Variants in WDR72 observed in about 807,000 individuals in gnomAD.
WDR72 encodes the protein WD repeat domain 72.
In WDR72, 120 loss-of-function variants were observed where a neutral mutation model predicts 124.2. The ratio of observed to expected loss-of-function variants is 0.97; its 90% CI spans 0.83 to 1.12. WDR72 has a LOEUF of 1.12. Among genes scored for constraint, WDR72 ranks in the 50% most tolerant of loss-of-function variants. The pLI, the probability that WDR72 is intolerant of heterozygous loss-of-function variation, is 0.00. For synonymous variants in WDR72, 452 were observed against 441.7 expected (o/e 1.02, Z -0.29); for missense variants, 1,387 against 1,278.8 (o/e 1.08, Z -1.29).
chr15:53,647,480 A>G (rs1340228826), intron 14 of WDR72, among the ~76,000 whole-genome samples: 3 of 152,098 alleles, frequency 2.0e-5, no homozygotes, highest in Non-Finnish European at 2.9e-5. Flanking sequence ...GAGAAACCAC[A>G]CTTTTCCACA....
chr15:53,615,309 A>G (rs2013709285), intron 15 of WDR72, 117 bp downstream of exon 15: 2 of 782,476 alleles, frequency 2.6e-6, no homozygotes, highest in African/African-American at 1.8e-5. Context: ...AAATTGTTGC[A>G]TACTTACCCC....
At chr15:53,567,348 T>C (rs560887885) in intron 18 of WDR72, among the ~76,000 whole-genome samples, 1 of 152,112 alleles carries the variant, frequency 6.6e-6, no homozygotes, top group Admixed American at 6.6e-5. Flanking sequence ...GAAGAATATG[T>C]AGGCACTGTC....
chr15:53,738,530 G>T (rs1041749886), intron 1 of WDR72, among the ~76,000 whole-genome samples: 1 of 152,128 alleles, frequency 6.6e-6, no homozygotes, highest in Non-Finnish European at 1.5e-5. Context: ...TAAAAATTTG[G>T]AAAGGTAAGT....
intron 14 of WDR72, among the ~76,000 whole-genome samples, chr15:53,628,307 G>A (rs1025045806): frequency 1.3e-5 from 2 of 152,046 alleles, no homozygotes; most frequent in Non-Finnish European, 2.9e-5. Context: ...AAAAAATTAT[G>A]AAATTTAAAC....
At chr15:53,600,844 G>A (rs1032993980) in intron 17 of WDR72, among the ~76,000 whole-genome samples, 1 of 152,134 alleles carries the variant, frequency 6.6e-6, no homozygotes, top group Non-Finnish European at 1.5e-5. Context: ...AAGAAATTTA[G>A]TGCAGTACTG....
intron 3 of WDR72, among the ~76,000 whole-genome samples, chr15:53,719,720 C>T (rs553622137): frequency 9.2e-5 from 14 of 152,290 alleles, no homozygotes; most frequent in African/African-American, 3.1e-4. Context: ...GCTTTGGAAA[C>T]GCAAGTTACT....
chr15:53,579,201 C>T (rs2011784130), intron 18 of WDR72, among the ~76,000 whole-genome samples: 1 of 152,054 alleles, frequency 6.6e-6, no homozygotes, highest in South Asian at 2.1e-4. Flanking sequence ...CTGACAGGCA[C>T]TGCATCATTG....
chr15:53,578,737 TAAAACAAAC>T, intron 18 of WDR72, among the ~76,000 whole-genome samples: 2 of 149,992 alleles, frequency 1.3e-5, no homozygotes, highest in Middle Eastern at 3.5e-3. Context: ...AAATAAAACT[TAAAACAAAC>T]AAACAAACAA....
In WDR72 at chr15:53,516,276, T is replaced by C. The variant is rs1297988888; in HGVS notation, c.*1423A>G. 3.9e-5 allele frequency: 6 copies of C among 152,272 alleles called. No homozygotes were observed. Among genetic ancestry groups the C allele is most frequent in the Non-Finnish European group, 7.4e-5 (5 of 67,988 alleles). 9.4% of individuals were successfully genotyped at this position (152,272 alleles called of 1,614,324 possible). ...CTACTTTAAGGGAGTCACACTCATTTGACATCTTTATCCTGGTATGTTTAT... is the reference window on the plus strand; with the variant it reads ...CTACTTTAAGGGAGTCACACTCATTCGACATCTTTATCCTGGTATGTTTAT... On this transcript the variant is annotated 3_prime_UTR_variant, in exon 20 of 20. Transcript: ENST00000360509.
chr15:53,537,542 T>C (rs1349861939), intron 18 of WDR72, among the ~76,000 whole-genome samples: 2 of 152,166 alleles, frequency 1.3e-5, no homozygotes, highest in Non-Finnish European at 2.9e-5. Context: ...TTACTTTACC[T>C]TTCTGTCTCT....
In WDR72 at chr15:53,522,112, T is replaced by C. The variant is rs74895004; in HGVS notation, c.3253+1106A>G. ...CTTGGTGGAGTGAAGAGGACTGATA[T>C]ACAATGCCATCGCCACTGCGCCTAT... is the stretch of plus-strand genomic sequence containing the variant. On this transcript the variant is annotated intron_variant, in intron 19 of 19. Coordinates refer to ENST00000360509, the MANE Select transcript of WDR72 (RefSeq NM_182758.4). 8.5e-4 allele frequency among the ~76,000 whole-genome samples: 130 copies of C among 152,132 alleles called. 2 individuals are homozygous for C. The East Asian group carries it at 0.018, about 21-fold the overall frequency.
chr15:53,626,237 C>T (rs558602824), intron 14 of WDR72, among the ~76,000 whole-genome samples: 15 of 152,282 alleles, frequency 9.9e-5, no homozygotes, highest in East Asian at 3.9e-4. Context: ...TTGGGCCACG[C>T]GATGAGTGTT....
chr15:53,526,895 G>C (rs575669015), intron 18 of WDR72, among the ~76,000 whole-genome samples: 1 of 152,142 alleles, frequency 6.6e-6, no homozygotes, highest in African/African-American at 2.4e-5. Context: ...CTTCTTGACA[G>C]TTCTGCCACT....
At position 53,699,896 on chromosome 15, in the gene WDR72, G is replaced by T. The variant is rs1462039276; in HGVS notation, c.1619C>A (p.Ala540Asp). Residue 540 changes from alanine (A) to aspartate (D), a missense_variant, in exon 13 of 20, where the codon GCT becomes GAT. Transcript: ENST00000360509. ...ICCVCGDHSV[A>D]LLHLEGKSCL... The stretch of plus-strand genomic sequence containing the variant: ...ACTCTTTCCCTCAAGGTGAAGGAGA[G>T]CCACGGAATGGTCACCGCACACACA... 7 of 1,614,046 alleles carry T rather than the reference G, an allele frequency of 4.3e-6. No individual in the cohort carries two copies. Among genetic ancestry groups the T allele is most frequent in the Non-Finnish European group, 5.9e-6 (7 of 1,180,054 alleles).
At chr15:53,583,035 G>A (rs892215257) in intron 18 of WDR72, among the ~76,000 whole-genome samples, 2 of 151,834 alleles carry the variant, frequency 1.3e-5, no homozygotes, top group African/African-American at 4.8e-5. Flanking sequence ...TTACTGTCTT[G>A]TAAATTCCAT....
In WDR72 at chr15:53,614,164, G is replaced by A. The variant is rs939487583; in HGVS notation, c.2781-407C>T. On this transcript the variant is annotated intron_variant, in intron 15 of 19. Coordinates refer to ENST00000360509, the MANE Select transcript of WDR72 (RefSeq NM_182758.4). ...GTATCATTGGAGCCTTATGAAGGCA[G>A]GTTTTACCCTAGGCCAGTGTTCTAA... is the stretch of plus-strand genomic sequence containing the variant. Among the ~76,000 whole-genome samples, 53 of 152,178 alleles carry A rather than the reference G, an allele frequency of 3.5e-4. 5 individuals are homozygous for A. Among genetic ancestry groups the A allele is most frequent in the East Asian group, 1.7e-3 (9 of 5,166 alleles).
chr15:53,549,870 G>A (rs1348529570), intron 18 of WDR72, among the ~76,000 whole-genome samples: 1 of 152,104 alleles, frequency 6.6e-6, no homozygotes. Flanking sequence ...CCAAATTCAG[G>A]TGCCTAAACC....
chr15:53,631,137 G>C (rs998968440), intron 14 of WDR72, among the ~76,000 whole-genome samples: 2 of 152,048 alleles, frequency 1.3e-5, no homozygotes, highest in Non-Finnish European at 2.9e-5. Flanking sequence ...ATTGGATCAC[G>C]GGGGCAGTTT....
At chr15:53,581,491 T>C (rs1326189085) in intron 18 of WDR72, among the ~76,000 whole-genome samples, 1 of 152,084 alleles carries the variant, frequency 6.6e-6, no homozygotes, top group East Asian at 1.9e-4. Flanking sequence ...AAAACAGCAA[T>C]TTGGATTCTT....
Sources: gnomAD v4.1 joint callset for allele counts (sites outside exome capture counted in the v4.1 genomes callset) on GRCh38, gnomAD v4.1.1 for gene constraint, MANE v1.5 for transcripts, NCBI Gene and HGNC (gene_info 2026-07-23, HGNC 2026-07-21) for gene names.